Variants in KMT5B observed in about 807,000 individuals in gnomAD.
KMT5B encodes lysine methyltransferase 5B, also known as histone-lysine N-methyltransferase KMT5B.
A neutral mutation model predicts 83.2 loss-of-function variants in KMT5B; 10 were observed. The observed-to-expected ratio is 0.12, with a 90% CI of 0.07 to 0.20. The LOEUF (loss-of-function observed/expected upper bound fraction) is 0.20. KMT5B is among the 10% of genes least tolerant of loss of function. KMT5B has a pLI of 1.00. For synonymous variants in KMT5B, 349 were observed against 388.8 expected, an observed-to-expected ratio of 0.90 and a Z score of 1.20; for missense variants, 753 against 1,067.2, an observed-to-expected ratio of 0.71 and a Z score of 4.10.
chr11:68,175,226 C>T, intron 4 of KMT5B, 43 bp from the exon 5 acceptor site: 1 of 1,506,916 alleles, frequency 6.6e-7, no homozygotes, highest in Non-Finnish European at 9.2e-7. Flanking sequence ...TGCCACAATC[C>T]TTGCGCCACT....
At chr11:68,213,502 C>G (rs1861270928), upstream of KMT5B, 1 of 150,910 alleles carries the variant, frequency 6.6e-6, no homozygotes, top group Non-Finnish European at 1.5e-5. Flanking sequence ...GCCGCCCGTA[C>G]GAAAACCGTC....
chr11:68,195,805 T>A (rs1320360311), intron 1 of KMT5B, among the ~76,000 whole-genome samples: 3 of 152,236 alleles, frequency 2.0e-5, no homozygotes, highest in African/African-American at 7.2e-5. Context: ...GCATCCCACA[T>A]AGTAAGTTTT....
intron 1 of KMT5B, among the ~76,000 whole-genome samples, chr11:68,193,397 A>G (rs992291131): frequency 2.0e-5 from 3 of 152,178 alleles, no homozygotes; most frequent in Non-Finnish European, 4.4e-5. Context: ...CTCAACACAA[A>G]CACAAAACAT....
intron 1 of KMT5B, among the ~76,000 whole-genome samples, chr11:68,205,383 GCTA>G (rs1368927917): frequency 1.3e-5 from 2 of 152,106 alleles, no homozygotes; most frequent in African/African-American, 2.4e-5. Context: ...ATAAAATGCA[GCTA>G]CTGAGTTATA....
At chr11:68,191,039 C>T (rs1354772789) in intron 1 of KMT5B, among the ~76,000 whole-genome samples, 3 of 152,142 alleles carry the variant, frequency 2.0e-5, no homozygotes, top group African/African-American at 4.8e-5. Flanking sequence ...CTCTATGGCC[C>T]AGGCTGGAGT....
At position 68,157,515 on chromosome 11, in the gene KMT5B, G is replaced by T; in HGVS notation, c.*173C>A. 2 of 933,370 alleles carry T rather than the reference G, an allele frequency of 2.1e-6. No homozygotes were observed. The highest frequency in any genetic ancestry group is 2.8e-6 in the Non-Finnish European group (2 of 702,830). The allele number at this position is 933,370 out of a possible 1,614,324, so 57.8% of individuals were successfully genotyped here. Reference sequence around the variant, plus strand: ...TATTTAAAAAGTACGATAAAAATTTGCACAAATCAGACTTAAGAATTGAGT... The same window carrying T: ...TATTTAAAAAGTACGATAAAAATTTTCACAAATCAGACTTAAGAATTGAGT... On this transcript the variant is annotated 3_prime_UTR_variant, in exon 11 of 11. Coordinates refer to ENST00000304363, the MANE Select transcript of KMT5B (RefSeq NM_017635.5).
chr11:68,179,004 G>A (rs1673584989), intron 4 of KMT5B, among the ~76,000 whole-genome samples: 1 of 152,152 alleles, frequency 6.6e-6, no homozygotes, highest in South Asian at 2.1e-4. Context: ...ATGACTTAGG[G>A]TTAATGAATG....
At position 68,171,136 on chromosome 11, in the gene KMT5B, G is replaced by A. The variant is rs1590954686; in HGVS notation, c.856C>T (p.Arg286Ter). Residue 286 changes from arginine to a stop codon, truncating the protein, a stop_gained, in exon 9 of 11, where the codon CGA becomes TGA. Transcript: ENST00000304363. LOFTEE classifies it high-confidence loss of function. The surrounding 1 kb of genome is among the most constrained non-coding windows in gnomAD (Gnocchi z 5.1). ...AGAGCCTTCACACATGCTGTATCTC[G>A]ACCAGTTGACACAAACTAAAATAAA... is the stretch of plus-strand genomic sequence containing the variant. The part of the protein sequence containing the change: ...RPNCKFVSTG[R>*]DTACVKALRD... The A allele has an allele frequency of 6.2e-7, 1 of 1,609,846 alleles. No individual in the cohort carries two copies. Among genetic ancestry groups the A allele is most frequent in the Non-Finnish European group, 8.5e-7 (1 of 1,179,170 alleles).
intron 1 of KMT5B, among the ~76,000 whole-genome samples, chr11:68,195,496 C>A (rs962172048): frequency 6.6e-6 from 1 of 152,360 alleles, no homozygotes; most frequent in African/African-American, 2.4e-5. Context: ...GCAAGTCACA[C>A]TCTTATCTCC....
intron 10 of KMT5B, 162 bp downstream of exon 10, chr11:68,166,820 C>A (rs1375239856): frequency 2.6e-5 from 37 of 1,444,364 alleles, no homozygotes; most frequent in Non-Finnish European, 3.4e-5. Context: ...ACAGACTGTG[C>A]CTCTACTCAA....
At chr11:68,198,888 C>A (rs1284415376) in intron 1 of KMT5B, among the ~76,000 whole-genome samples, 1 of 152,174 alleles carries the variant, frequency 6.6e-6, no homozygotes, top group African/African-American at 2.4e-5. Flanking sequence ...CGCCATCACA[C>A]CCGGCTGATT....
At chr11:68,166,607 C>T in intron 10 of KMT5B, 1 of 1,015,292 alleles carries the variant, frequency 9.8e-7, no homozygotes, top group Non-Finnish European at 1.2e-6. Context: ...TGGCTAGGCA[C>T]TGGAATGTAT....
At chr11:68,163,353 G>A (rs902007059) in intron 10 of KMT5B, among the ~76,000 whole-genome samples, 2 of 152,234 alleles carry the variant, frequency 1.3e-5, no homozygotes, top group African/African-American at 4.8e-5. Context: ...GCTGGTGAAT[G>A]GCAGAGATGG....
intron 1 of KMT5B, among the ~76,000 whole-genome samples, chr11:68,208,019 A>G (rs1860382222): frequency 6.7e-6 from 1 of 150,280 alleles, no homozygotes; most frequent in Non-Finnish European, 1.5e-5. Flanking sequence ...TTGTATTTTC[A>G]GTAGAGACAG....
intron 9 of KMT5B, among the ~76,000 whole-genome samples, chr11:68,168,668 A>G (rs1855550834): frequency 6.6e-6 from 1 of 152,240 alleles, no homozygotes. Flanking sequence ...TAAAATGTGC[A>G]GTACTTATGA....
At chr11:68,165,585 C>A in intron 10 of KMT5B, 1 of 381,418 alleles carries the variant, frequency 2.6e-6, no homozygotes, top group Non-Finnish European at 4.2e-6. Context: ...GACCCTCCCA[C>A]CTCAGCCTCC....
rs908189964 is a variant in KMT5B, at chr11:68,157,157, C to T, written c.*531G>A. 6.6e-6 allele frequency: 1 copy of T among 151,412 alleles called. No individual in the cohort carries two copies. The highest frequency in any genetic ancestry group is 2.4e-5 in the African/African-American group (1 of 41,062). 9.4% of individuals were successfully genotyped at this position (151,412 alleles called of 1,614,324 possible). A position where few individuals can be genotyped will look rare whatever the true frequency, so the allele number is the denominator to read the frequency against. On this transcript the variant is annotated 3_prime_UTR_variant, in exon 11 of 11. Transcript: ENST00000304363. ...CAATGGTTTGCGATATTAACAAAGG[C>T]CACAAACAGTACACCTGGGCCAGCA...
rs188419164 is a variant in KMT5B at position 68,169,830 on chromosome 11, T to C, written c.977+1185A>G. ...TTAAACTACTTTAAAGGGTATTCTC[T>C]GGACTGGTCCAAGATCTAACCAACA... On this transcript the variant is annotated intron_variant, in intron 9 of 10. Coordinates refer to ENST00000304363, the MANE Select transcript of KMT5B (RefSeq NM_017635.5). Among the ~76,000 whole-genome samples the C allele has an allele frequency of 4.0e-5, 6 of 151,832 alleles. No homozygotes were observed. In the East Asian group the frequency reaches 1.2e-3, roughly 29 times the overall value.
At chr11:68,166,093 A>C (rs1328481906) in intron 10 of KMT5B, 1 of 1,483,508 alleles carries the variant, frequency 6.7e-7, no homozygotes, top group Admixed American at 2.5e-5. Flanking sequence ...ATACTTTCGG[A>C]ATCGCCAAGT....
Sources: gnomAD v4.1 joint callset for allele counts (sites outside exome capture counted in the v4.1 genomes callset) on GRCh38, gnomAD v4.1.1 for gene constraint, Gnocchi (gnomAD v3.1) non-coding constraint, MANE v1.5 for transcripts, NCBI Gene and HGNC (gene_info 2026-07-23, HGNC 2026-07-21) for gene names.